The following USP37 variants were observed in gnomAD, a reference collection of about 807,000 sequenced individuals.
The protein encoded by USP37 is ubiquitin specific peptidase 37, also known as ubiquitin carboxyl-terminal hydrolase 37.
Under a neutral mutation model 124.0 loss-of-function variants are expected in USP37, and 27 were observed. The observed-to-expected ratio is 0.22, with a 90% CI of 0.16 to 0.30. The LOEUF (loss-of-function observed/expected upper bound fraction) is 0.30, where lower values mean the gene tolerates loss of function less well. USP37 is among the 10% of genes least tolerant of loss of function. The pLI, the probability that USP37 is intolerant of heterozygous loss-of-function variation, is 1.00. For missense variants in USP37, 889 were observed against 1,140.4 expected (o/e 0.78, Z 3.17); for synonymous variants, 365 against 388.0 (o/e 0.94, Z 0.70).
rs1431258167 is a variant in USP37, at chr2:218,509,964, A to G, written c.1025+15T>C. ...ACTTTATAAAAAAGAAAGTAAAATG[A>G]AAGAATTGACCTACCCCTGCAGTTG... is the stretch of plus-strand genomic sequence containing the variant. On this transcript the variant is annotated intron_variant, in intron 11 of 25. Coordinates refer to ENST00000258399, the MANE Select transcript of USP37 (RefSeq NM_020935.3). The G allele has an allele frequency of 2.5e-5, 37 of 1,504,302 alleles. No individual in the cohort carries two copies. The highest frequency in any genetic ancestry group is 3.3e-5 in the Non-Finnish European group (37 of 1,121,424). 93.2% of individuals were successfully genotyped at this position (1,504,302 alleles called of 1,614,324 possible). A position where few individuals can be genotyped will look rare whatever the true frequency, so the allele number is the denominator to read the frequency against.
chr2:218,552,179 T>C (rs535807217), intron 5 of USP37, among the ~76,000 whole-genome samples: 4 of 152,170 alleles, frequency 2.6e-5, no homozygotes, highest in Non-Finnish European at 5.9e-5. Context: ...AGGTACTAAA[T>C]GGCAAACAAT....
intron 4 of USP37, among the ~76,000 whole-genome samples, chr2:218,555,891 TTC>T (rs1008485017): frequency 3.9e-5 from 6 of 152,182 alleles, no homozygotes; most frequent in Non-Finnish European, 7.3e-5. Context: ...CCAGATAATT[TTC>T]TCTCACACCT....
intron 8 of USP37, among the ~76,000 whole-genome samples, chr2:218,535,425 A>G (rs1215968605): frequency 1.3e-5 from 2 of 151,828 alleles, no homozygotes; most frequent in African/African-American, 4.8e-5. Flanking sequence ...AAAGAAAAAC[A>G]AATCAGGCTG....
intron 10 of USP37, among the ~76,000 whole-genome samples, chr2:218,529,626 G>A (rs1691199364): frequency 6.6e-6 from 1 of 152,036 alleles, no homozygotes; most frequent in Non-Finnish European, 1.5e-5. Flanking sequence ...GTGAGATCTT[G>A]TCTCTTTTTT....
rs1692365740 is a variant in USP37, at chr2:218,547,010, T to C, written c.511A>G (p.Ile171Val). The change falls in exon 7 of 26, where the codon ATT (isoleucine) becomes GTT (valine). Residue 171 changes from isoleucine to valine, a missense_variant. By Grantham distance (29) the Ile-to-Val change is conservative. Transcript: ENST00000258399. ...ATTCCACTTCCTGCTACAGTCTTAA[T>C]CGATCCTCTACCCGGATTACCAAGA... ...KVLGNPGRGS[I>V]KTVAGSGIAR... 1.2e-6 allele frequency: 2 copies of C among 1,613,794 alleles called. No homozygotes were observed. Among genetic ancestry groups the C allele is most frequent in the Non-Finnish European group, 1.7e-6 (2 of 1,179,938 alleles).
intron 14 of USP37, among the ~76,000 whole-genome samples, chr2:218,489,722 C>G (rs1691814587): frequency 6.6e-6 from 1 of 152,032 alleles, no homozygotes; most frequent in Non-Finnish European, 1.5e-5. Flanking sequence ...TCGTGATCCA[C>G]CTGCCTCGGC....
chr2:218,502,063 AG>A (rs1218489763), intron 11 of USP37, among the ~76,000 whole-genome samples: 1 of 152,190 alleles, frequency 6.6e-6, no homozygotes, highest in Non-Finnish European at 1.5e-5. Context: ...TTAGCCTTAG[AG>A]TAAAGGATAC....
intron 11 of USP37, among the ~76,000 whole-genome samples, chr2:218,504,406 A>T (rs1042297843): frequency 6.6e-6 from 1 of 152,180 alleles, no homozygotes; most frequent in African/African-American, 2.4e-5. Context: ...ATAAATTTTT[A>T]AAATCATCTA....
At chr2:218,511,002 GA>G (rs796867310) in intron 10 of USP37, among the ~76,000 whole-genome samples, 3 of 147,612 alleles carry the variant, frequency 2.0e-5, no homozygotes, top group Non-Finnish European at 4.5e-5. Context: ...CTCCAAAAAA[GA>G]AAAAAAAAAG....
intron 11 of USP37, among the ~76,000 whole-genome samples, chr2:218,499,923 A>G (rs1039641521): frequency 6.6e-6 from 1 of 152,040 alleles, no homozygotes; most frequent in African/African-American, 2.4e-5. Flanking sequence ...AATGTGTGCC[A>G]CTATGCCTGG....
chr2:218,539,208 C>T (rs904212008), intron 8 of USP37, among the ~76,000 whole-genome samples: 1 of 152,096 alleles, frequency 6.6e-6, no homozygotes, highest in South Asian at 2.1e-4. Flanking sequence ...ATCCACCTGA[C>T]TCTGCCTCCC....
intron 5 of USP37, among the ~76,000 whole-genome samples, chr2:218,552,159 TATA>T (rs1375197255): frequency 6.6e-6 from 1 of 152,168 alleles, no homozygotes; most frequent in Non-Finnish European, 1.5e-5. Context: ...GGCATGAACA[TATA>T]ATGAGTAGGT....
chr2:218,521,011 A>C (rs781317952), intron 10 of USP37, among the ~76,000 whole-genome samples: 11 of 152,056 alleles, frequency 7.2e-5, no homozygotes, highest in Non-Finnish European at 1.0e-4. Context: ...TGTTCTCCTG[A>C]TAGAGTCCTC....
At chr2:218,554,931 CT>C (rs1382832972) in intron 4 of USP37, among the ~76,000 whole-genome samples, 2 of 151,586 alleles carry the variant, frequency 1.3e-5, no homozygotes, top group African/African-American at 2.4e-5. Context: ...ATATAGCACA[CT>C]TTTTTTTTCT....
intron 24 of USP37, 55 bp from the exon 25 acceptor site, chr2:218,455,773 C>A (rs62183667): frequency 9.5e-6 from 15 of 1,574,494 alleles, no homozygotes; most frequent in Admixed American, 1.8e-5. Flanking sequence ...CGAAGCTGGG[C>A]GCGATGGCTC....
At chr2:218,462,132 C>T (rs533124110) in intron 22 of USP37, among the ~76,000 whole-genome samples, 3 of 151,182 alleles carry the variant, frequency 2.0e-5, no homozygotes, top group South Asian at 2.1e-4. Flanking sequence ...ACTCCAGCCT[C>T]GGCAACAAGA....
intron 8 of USP37, among the ~76,000 whole-genome samples, chr2:218,544,970 A>G (rs1005903159): frequency 2.0e-5 from 3 of 152,190 alleles, no homozygotes; most frequent in African/African-American, 7.2e-5. Context: ...GACCTTCTAG[A>G]GAAGACCGCA....
intron 1 of USP37, among the ~76,000 whole-genome samples, chr2:218,564,566 T>C (rs1693482499): frequency 6.6e-6 from 1 of 152,188 alleles, no homozygotes; most frequent in Non-Finnish European, 1.5e-5. Context: ...CATTGTAACA[T>C]CCTTTCTAAA....
rs1692578406 is a variant in USP37 at position 218,550,047 on chromosome 2, T to A, written c.329-138A>T. ...AAAAAAGAAAACAAATCAAAGTGCCTATCAACCAATTCTTTCTGACAGAAT... is the reference window on the plus strand; with the variant it reads ...AAAAAAGAAAACAAATCAAAGTGCCAATCAACCAATTCTTTCTGACAGAAT... On this transcript the variant is annotated intron_variant, in intron 5 of 25. Coordinates refer to ENST00000258399, the MANE Select transcript of USP37 (RefSeq NM_020935.3). 5 of 557,992 alleles carry A rather than the reference T, an allele frequency of 9.0e-6. No individual in the cohort carries two copies. The African/African-American group carries it at 9.7e-5, about 11-fold the overall frequency. The allele number at this position is 557,992 out of a possible 1,614,324, so 34.6% of individuals were successfully genotyped here. A position where few individuals can be genotyped will look rare whatever the true frequency, so the allele number is the denominator to read the frequency against.
Sources: gnomAD v4.1 joint callset for allele counts (sites outside exome capture counted in the v4.1 genomes callset) on GRCh38, gnomAD v4.1.1 for gene constraint, MANE v1.5 for transcripts, NCBI Gene and HGNC (gene_info 2026-07-23, HGNC 2026-07-21) for gene names.